ITGBL1: variants seen among roughly 807,000 people sequenced by gnomAD.
The protein encoded by ITGBL1 is integrin beta-like protein 1.
In ITGBL1, 51 loss-of-function variants were observed where a neutral mutation model predicts 68.5. That is an observed-to-expected ratio of 0.74 (90% CI 0.59 to 0.94). The LOEUF (loss-of-function observed/expected upper bound fraction) is 0.94. Among genes scored for constraint, ITGBL1 ranks in the 40% least tolerant of loss-of-function variants. The pLI, the probability that ITGBL1 is intolerant of heterozygous loss-of-function variation, is 0.00. For synonymous variants in ITGBL1, 209 were observed against 227.3 expected (o/e 0.92, Z 0.72); for missense variants, 649 against 647.4 (o/e 1.00, Z -0.03).
At chr13:101,530,492 C>T (rs1168040353) in intron 2 of ITGBL1, among the ~76,000 whole-genome samples, 5 of 152,170 alleles carry the variant, frequency 3.3e-5, no homozygotes, top group African/African-American at 9.6e-5. Flanking sequence ...CTTAAAAATG[C>T]TTTTGCCACT....
At chr13:101,634,275 A>G (rs1420642996) in intron 7 of ITGBL1, among the ~76,000 whole-genome samples, 1 of 152,192 alleles carries the variant, frequency 6.6e-6, no homozygotes, top group Non-Finnish European at 1.5e-5. Context: ...TTGATCTTTG[A>G]AAGTGGAAGA....
At chr13:101,674,571 T>C (rs2033455240) in intron 7 of ITGBL1, among the ~76,000 whole-genome samples, 1 of 152,140 alleles carries the variant, frequency 6.6e-6, no homozygotes, top group South Asian at 2.1e-4. Context: ...TGATTTTAAA[T>C]ATTGTCTAAT....
chr13:101,564,212 G>A (rs1311104569), intron 2 of ITGBL1, among the ~76,000 whole-genome samples: 1 of 151,876 alleles, frequency 6.6e-6, no homozygotes, highest in Admixed American at 6.6e-5. Flanking sequence ...GAACAAAGTT[G>A]GAGTTCTCAG....
At chr13:101,700,624 T>A (rs1223373244) in intron 8 of ITGBL1, among the ~76,000 whole-genome samples, 1 of 152,128 alleles carries the variant, frequency 6.6e-6, no homozygotes, top group African/African-American at 2.4e-5. Context: ...AATTTAGATT[T>A]TTTTTACCAA....
chr13:101,585,830 A>G (rs2050546575), intron 6 of ITGBL1, among the ~76,000 whole-genome samples: 1 of 152,174 alleles, frequency 6.6e-6, no homozygotes, highest in East Asian at 1.9e-4. Context: ...TTAAAATTGT[A>G]AGTGTGTGAC....
chr13:101,516,317 G>T (rs1288082377), intron 2 of ITGBL1, among the ~76,000 whole-genome samples: 6 of 151,994 alleles, frequency 3.9e-5, no homozygotes, highest in African/African-American at 7.2e-5. Flanking sequence ...CTAATCTCTA[G>T]GGTTAGATTA....
At chr13:101,679,631 T>A (rs2033593910) in intron 7 of ITGBL1, among the ~76,000 whole-genome samples, 1 of 152,252 alleles carries the variant, frequency 6.6e-6, no homozygotes, top group African/African-American at 2.4e-5. Flanking sequence ...GTTTCAGAAT[T>A]ACTTTTGTAT....
chr13:101,501,138 G>C (rs1211281462), intron 2 of ITGBL1, among the ~76,000 whole-genome samples: 1 of 152,132 alleles, frequency 6.6e-6, no homozygotes, highest in Non-Finnish European at 1.5e-5. Flanking sequence ...CTGCTATTTG[G>C]CTTAATTGAT....
chr13:101,584,506 G>A (rs886334489), intron 6 of ITGBL1, among the ~76,000 whole-genome samples: 1 of 152,130 alleles, frequency 6.6e-6, no homozygotes, highest in Non-Finnish European at 1.5e-5. Context: ...CCAGCAAAGG[G>A]AGATAAAAGA....
chr13:101,642,505 T>C (rs970573948), intron 7 of ITGBL1, among the ~76,000 whole-genome samples: 3 of 152,186 alleles, frequency 2.0e-5, no homozygotes, highest in African/African-American at 2.4e-5. Context: ...TTCTCCCATT[T>C]TGTAGGTTGC....
chr13:101,524,854 G>C (rs1476737257), intron 2 of ITGBL1, among the ~76,000 whole-genome samples: 1 of 152,058 alleles, frequency 6.6e-6, no homozygotes, highest in East Asian at 1.9e-4. Context: ...ATTAACATCT[G>C]TTTCTCCTAC....
chr13:101,615,937 G>A (rs1361265790), intron 7 of ITGBL1, among the ~76,000 whole-genome samples: 2 of 152,176 alleles, frequency 1.3e-5, no homozygotes, highest in African/African-American at 4.8e-5. Context: ...TCTTCCGGTG[G>A]CTTGATCTTG....
intron 8 of ITGBL1, among the ~76,000 whole-genome samples, chr13:101,696,855 G>T (rs1594988359): frequency 6.7e-6 from 1 of 149,938 alleles, no homozygotes; most frequent in East Asian, 1.9e-4. Flanking sequence ...GAGAAAGGAA[G>T]AACTATTCCA....
chr13:101,583,684 G>C (rs1465658815), intron 6 of ITGBL1, among the ~76,000 whole-genome samples: 1 of 152,092 alleles, frequency 6.6e-6, no homozygotes, highest in Admixed American at 6.5e-5. Context: ...AATTTAAAAA[G>C]TAATGAATAA....
intron 2 of ITGBL1, among the ~76,000 whole-genome samples, chr13:101,505,724 G>T (rs541412884): frequency 1.3e-5 from 2 of 152,038 alleles, no homozygotes; most frequent in African/African-American, 2.4e-5. Context: ...CTTTCTCTCC[G>T]TCTGAGAAAC....
At chr13:101,677,657 T>G (rs531169107) in intron 7 of ITGBL1, among the ~76,000 whole-genome samples, 33 of 152,220 alleles carry the variant, frequency 2.2e-4, no homozygotes, top group Non-Finnish European at 4.4e-4. Flanking sequence ...TTCCCCCTTA[T>G]GCTAATCCAT....
intron 2 of ITGBL1, among the ~76,000 whole-genome samples, chr13:101,498,318 CT>C (rs1164623063): frequency 6.6e-6 from 1 of 152,048 alleles, no homozygotes; most frequent in Non-Finnish European, 1.5e-5. Context: ...TTATTTTTAA[CT>C]TCTCAAATAA....
intron 1 of ITGBL1, 52 bp from the exon 2 acceptor site, chr13:101,453,831 G>C: frequency 8.5e-7 from 1 of 1,178,412 alleles, no homozygotes; most frequent in Non-Finnish European, 1.1e-6. Flanking sequence ...TTCGGAGCAG[G>C]GGGCGGCGTC....
At chr13:101,485,956 A>T (rs1165780591) in intron 2 of ITGBL1, among the ~76,000 whole-genome samples, 1 of 152,182 alleles carries the variant, frequency 6.6e-6, no homozygotes, top group African/African-American at 2.4e-5. Flanking sequence ...TTAAAAAACT[A>T]AAAGTAGAAC....
Sources: gnomAD v4.1 joint callset for allele counts (sites outside exome capture counted in the v4.1 genomes callset) on GRCh38, gnomAD v4.1.1 for gene constraint, MANE v1.5 for transcripts, NCBI Gene and HGNC (gene_info 2026-07-23, HGNC 2026-07-21) for gene names.